BCKDHB: variants seen among roughly 807,000 people sequenced by gnomAD.
BCKDHB encodes 2-oxoisovalerate dehydrogenase subunit beta, mitochondrial.
Under a neutral mutation model 48.5 loss-of-function variants are expected in BCKDHB, and 41 were observed. The ratio of observed to expected loss-of-function variants is 0.85; its 90% confidence interval spans 0.66 to 1.10. BCKDHB has a LOEUF of 1.10. BCKDHB is among the 50% of genes least tolerant of loss of function. The pLI is 0.00. For synonymous variants in BCKDHB, 201 were observed against 174.8 expected, an observed-to-expected ratio of 1.15 and a Z score of -1.18; for missense variants, 496 against 494.2, an observed-to-expected ratio of 1.00 and a Z score of -0.03.
chr6:80,384,348 CTT>C, the BCKDHB span, among the ~76,000 whole-genome samples: 81,123 of 147,208 alleles, frequency 0.55, 22,648 homozygotes, highest in Non-Finnish European at 0.59. Context: ...TCTTCTTCTT[CTT>C]TTTTTTTTTT....
chr6:80,386,228 A>G, the BCKDHB span, among the ~76,000 whole-genome samples: 1 of 151,594 alleles, frequency 6.6e-6, no homozygotes, highest in African/African-American at 2.4e-5. Context: ...AATGGTGGGA[A>G]CTGCAGTCAC....
chr6:80,377,385 A>G, the BCKDHB span, among the ~76,000 whole-genome samples: 3 of 152,128 alleles, frequency 2.0e-5, no homozygotes, highest in Admixed American at 6.6e-5. Context: ...TTGGTTGGTC[A>G]TCCTTTTAGT....
At chr6:80,223,128 A>G (rs540598979) in intron 8 of BCKDHB, among the ~76,000 whole-genome samples, 2 of 152,356 alleles carry the variant, frequency 1.3e-5, no homozygotes, top group Admixed American at 1.3e-4. Context: ...TTCATTTAAT[A>G]TAGAAACAAG....
intron 8 of BCKDHB, among the ~76,000 whole-genome samples, chr6:80,253,241 G>A (rs560781027): frequency 1.3e-5 from 2 of 152,144 alleles, no homozygotes; most frequent in Non-Finnish European, 2.9e-5. Context: ...GACCAGTCTA[G>A]TCCTGTAACA....
chr6:80,454,876 A>G, the BCKDHB span, among the ~76,000 whole-genome samples: 1 of 152,108 alleles, frequency 6.6e-6, no homozygotes. Context: ...ATGACTCTCC[A>G]TTGTGGTTTG....
Position 80,343,871 on chromosome 6 carries a change from A to G in BCKDHB, c.*67A>G, listed in dbSNP as rs1770049161. On this transcript the variant is annotated 3_prime_UTR_variant, in exon 10 of 10. Coordinates refer to ENST00000320393, the MANE Select transcript of BCKDHB (RefSeq NM_183050.4). ...CCCTGACATTAACGTACTGTTAACC[A>G]AGACACAGCAATCATCAGTGTTTTG... 3 of 1,560,040 alleles carry G rather than the reference A, an allele frequency of 1.9e-6. No homozygotes were observed. The highest frequency in any genetic ancestry group is 3.3e-5 in the Admixed American group (2 of 59,958).
chr6:80,354,443 G>T, the BCKDHB span, among the ~76,000 whole-genome samples: 2 of 152,092 alleles, frequency 1.3e-5, no homozygotes, highest in Non-Finnish European at 2.9e-5. Context: ...TGCCCAGGCT[G>T]GTCTTGAACT....
At chr6:80,230,505 G>T (rs1304910017) in intron 8 of BCKDHB, among the ~76,000 whole-genome samples, 2 of 152,102 alleles carry the variant, frequency 1.3e-5, no homozygotes, top group Non-Finnish European at 2.9e-5. Flanking sequence ...GGAACAGGGG[G>T]TTAGCAATTT....
chr6:80,110,821 G>C (rs1383037761), intron 1 of BCKDHB, among the ~76,000 whole-genome samples: 1 of 152,130 alleles, frequency 6.6e-6, no homozygotes, highest in Non-Finnish European at 1.5e-5. Flanking sequence ...ATTGGGTATT[G>C]TTTTTGATTG....
intron 9 of BCKDHB, among the ~76,000 whole-genome samples, chr6:80,340,113 A>C (rs1350142589): frequency 6.6e-6 from 1 of 152,224 alleles, no homozygotes; most frequent in African/African-American, 2.4e-5. Flanking sequence ...TTAGAATGAA[A>C]ATTCTCCTGT....
At chr6:80,319,766 A>G (rs1320745362) in intron 9 of BCKDHB, among the ~76,000 whole-genome samples, 1 of 152,218 alleles carries the variant, frequency 6.6e-6, no homozygotes, top group African/African-American at 2.4e-5. Flanking sequence ...TGTAAATCTA[A>G]AAGGAACTTT....
At chr6:80,254,710 A>G (rs1776977164) in intron 8 of BCKDHB, among the ~76,000 whole-genome samples, 1 of 152,162 alleles carries the variant, frequency 6.6e-6, no homozygotes, top group South Asian at 2.1e-4. Context: ...TTAAAAAAAC[A>G]CAACACAATA....
the BCKDHB span, among the ~76,000 whole-genome samples, chr6:80,392,631 T>C: frequency 6.6e-6 from 1 of 151,876 alleles, no homozygotes; most frequent in Admixed American, 6.6e-5. Context: ...TGTTGCCTTT[T>C]ATAAATTGAT....
At chr6:80,152,316 A>G (rs1771824984) in intron 3 of BCKDHB, among the ~76,000 whole-genome samples, 1 of 152,178 alleles carries the variant, frequency 6.6e-6, no homozygotes, top group African/African-American at 2.4e-5. Flanking sequence ...AATAAACTTG[A>G]TTTTAATAAA....
chr6:80,407,664 G>T, the BCKDHB span, among the ~76,000 whole-genome samples: 151,041 of 152,256 alleles, frequency 0.99, 74,931 homozygotes, highest in Middle Eastern at 1. Flanking sequence ...TTGTCTGTTA[G>T]TGGTGTATAG....
chr6:80,392,805 A>G, the BCKDHB span, among the ~76,000 whole-genome samples: 1 of 151,206 alleles, frequency 6.6e-6, no homozygotes, highest in African/African-American at 2.4e-5. Flanking sequence ...CCTCTGCTTC[A>G]TCATAGCTTA....
intron 9 of BCKDHB, among the ~76,000 whole-genome samples, chr6:80,275,727 T>C (rs574904022): frequency 6.6e-6 from 1 of 151,924 alleles, no homozygotes; most frequent in South Asian, 2.1e-4. Flanking sequence ...ATCTGAGTAA[T>C]AAAATATACC....
intron 3 of BCKDHB, among the ~76,000 whole-genome samples, chr6:80,154,195 T>A (rs1311052757): frequency 6.6e-6 from 1 of 152,216 alleles, no homozygotes; most frequent in East Asian, 1.9e-4. Flanking sequence ...ATAATTATAT[T>A]TGACTTATCG....
At chr6:80,367,027 A>G in the BCKDHB span, among the ~76,000 whole-genome samples, 1 of 152,006 alleles carries the variant, frequency 6.6e-6, no homozygotes, top group Admixed American at 6.6e-5. Flanking sequence ...TCTCTTAAAC[A>G]CTTATCCTGT....
Sources: gnomAD v4.1 joint callset for allele counts (sites outside exome capture counted in the v4.1 genomes callset) on GRCh38, gnomAD v4.1.1 for gene constraint, MANE v1.5 for transcripts, NCBI Gene and HGNC (gene_info 2026-07-23, HGNC 2026-07-21) for gene names.